SLC25A51: variants seen among roughly 807,000 people sequenced by gnomAD.
The protein encoded by SLC25A51 is solute carrier family 25 member 51, also known as mitochondrial nicotinamide adenine dinucleotide transporter SLC25A51.
A neutral mutation model predicts 19.1 loss-of-function variants in SLC25A51; 11 were observed. The ratio of observed to expected loss-of-function variants is 0.58; its 90% CI spans 0.36 to 0.96. SLC25A51 has a LOEUF of 0.96. SLC25A51 is among the 40% of genes least tolerant of loss of function. SLC25A51 has a pLI of 0.01. For missense variants in SLC25A51, 201 were observed against 365.4 expected, an observed-to-expected ratio of 0.55 and a Z score of 3.67; for synonymous variants, 105 against 133.6, an observed-to-expected ratio of 0.79 and a Z score of 1.47.
At chr9:37,902,965 C>G (rs1375989952) in intron 1 of SLC25A51, among the ~76,000 whole-genome samples, 2 of 152,200 alleles carry the variant, frequency 1.3e-5, no homozygotes, top group Non-Finnish European at 2.9e-5. Context: ...ACAAGATCAG[C>G]CTGGGTCTAG....
chr9:37,889,267 T>C (rs1436613995), intron 2 of SLC25A51, among the ~76,000 whole-genome samples: 3 of 152,186 alleles, frequency 2.0e-5, no homozygotes, highest in Admixed American at 6.5e-5. Flanking sequence ...ACTCATTCTA[T>C]TCATATTTAT....
chr9:37,898,924 T>A (rs1176135418), intron 2 of SLC25A51, among the ~76,000 whole-genome samples: 1 of 152,182 alleles, frequency 6.6e-6, no homozygotes, highest in Non-Finnish European at 1.5e-5. Flanking sequence ...GCTCCTGAGA[T>A]GATCATACAA....
intron 1 of SLC25A51, among the ~76,000 whole-genome samples, chr9:37,903,053 T>C (rs1831889549): frequency 6.6e-6 from 1 of 152,220 alleles, no homozygotes; most frequent in African/African-American, 2.4e-5. Flanking sequence ...TGAGTTTGCT[T>C]TCATTTACCA....
chr9:37,899,273 A>C (rs1363582909), intron 2 of SLC25A51, among the ~76,000 whole-genome samples: 2 of 152,222 alleles, frequency 1.3e-5, no homozygotes, highest in Admixed American at 6.5e-5. Flanking sequence ...CAATATGTGG[A>C]TAAATGCTAC....
chr9:37,903,359 A>G (rs1409186779), intron 1 of SLC25A51, among the ~76,000 whole-genome samples: 2 of 152,224 alleles, frequency 1.3e-5, no homozygotes, highest in Non-Finnish European at 2.9e-5. Flanking sequence ...TTTTGCAGGA[A>G]GTTGAGGTGC....
intron 2 of SLC25A51, among the ~76,000 whole-genome samples, chr9:37,896,242 G>A (rs1219653427): frequency 4.6e-5 from 7 of 151,998 alleles, no homozygotes; most frequent in Non-Finnish European, 7.4e-5. Flanking sequence ...AAATACCCAC[G>A]GGCGTTTGCG....
At chr9:37,886,207 C>G, downstream of SLC25A51, 2 of 1,564,952 alleles carry the variant, frequency 1.3e-6, no homozygotes, top group Non-Finnish European at 1.8e-6. Context: ...CACAGACTGA[C>G]AAGAAAGGAC....
At chr9:37,892,295 C>G (rs190815220) in intron 2 of SLC25A51, among the ~76,000 whole-genome samples, 1 of 152,332 alleles carries the variant, frequency 6.6e-6, no homozygotes, top group East Asian at 1.9e-4. Context: ...GCTCTGAAAG[C>G]TGAATAACTG....
chr9:37,896,538 G>A (rs1350135304), intron 2 of SLC25A51, among the ~76,000 whole-genome samples: 2 of 152,220 alleles, frequency 1.3e-5, no homozygotes, highest in African/African-American at 4.8e-5. Context: ...GCTCACGCCG[G>A]TAGTCCCAGT....
At chr9:37,901,013 G>A (rs972236223) in intron 1 of SLC25A51, among the ~76,000 whole-genome samples, 13 of 151,824 alleles carry the variant, frequency 8.6e-5, no homozygotes, top group Non-Finnish European at 1.5e-4. Context: ...CCACAGGCCC[G>A]CACCACCAAG....
intron 1 of SLC25A51, among the ~76,000 whole-genome samples, chr9:37,902,379 C>T (rs1384032015): frequency 6.6e-6 from 1 of 152,150 alleles, no homozygotes; most frequent in African/African-American, 2.4e-5. Flanking sequence ...CATTACTGTA[C>T]ATTGAGATTC....
chr9:37,887,978 G>T lies in SLC25A51; in HGVS notation c.573C>A (p.Phe191Leu). The T allele has an allele frequency of 6.2e-7, 1 of 1,612,034 alleles. No individual in the cohort carries two copies. Among genetic ancestry groups the T allele is most frequent in the Non-Finnish European group, 8.5e-7 (1 of 1,179,848 alleles). Residue 191 changes from phenylalanine (F) to leucine (L), a missense_variant, in exon 3 of 3, where the codon TTC (phenylalanine) becomes TTA (leucine). Phe to Leu is a conservative substitution (Grantham distance 22). Transcript: ENST00000242275. ...FRNGLSNVLFFGLRGPIKEHL... is the reference protein window; with the variant it reads ...FRNGLSNVLFLGLRGPIKEHL... ...GCTCCTTAATGGGACCTCGAAGGCC[G>T]AAAAACAAGACATTGCTGAGTCCAT...
chr9:37,896,233 A>C (rs1282945688), intron 2 of SLC25A51, among the ~76,000 whole-genome samples: 2 of 152,144 alleles, frequency 1.3e-5, no homozygotes, highest in Non-Finnish European at 2.9e-5. Context: ...GCATAATCTA[A>C]ATACCCACGG....
chr9:37,895,092 T>C (rs972030941), intron 2 of SLC25A51, among the ~76,000 whole-genome samples: 1 of 152,236 alleles, frequency 6.6e-6, no homozygotes, highest in Middle Eastern at 3.2e-3. Context: ...GCTGTGCATG[T>C]GTCCTTATAG....
chr9:37,884,015 T>C (rs2118296052), downstream of SLC25A51, among the ~76,000 whole-genome samples: 1 of 152,348 alleles, frequency 6.6e-6, no homozygotes, highest in Non-Finnish European at 1.5e-5. Context: ...GTCCAAGAAC[T>C]TTCAGTAAAC....
chr9:37,889,609 C>A (rs1372042627), intron 2 of SLC25A51, among the ~76,000 whole-genome samples: 1 of 151,558 alleles, frequency 6.6e-6, no homozygotes, highest in African/African-American at 2.4e-5. Context: ...GTTCAGGGCA[C>A]AGCTAGTAAC....
downstream of SLC25A51, chr9:37,879,253 A>G: frequency 3.7e-6 from 1 of 270,206 alleles, no homozygotes; most frequent in East Asian, 1.2e-4. Flanking sequence ...GATGTTTGGG[A>G]ACACTACACA....
intron 2 of SLC25A51, among the ~76,000 whole-genome samples, chr9:37,898,060 A>G (rs1026975025): frequency 1.3e-5 from 2 of 152,210 alleles, no homozygotes; most frequent in African/African-American, 4.8e-5. Context: ...TGGAGCTGCA[A>G]TTATAACTTA....
intron 2 of SLC25A51, among the ~76,000 whole-genome samples, chr9:37,891,297 G>A (rs1831578433): frequency 1.3e-5 from 2 of 152,178 alleles, no homozygotes. Flanking sequence ...CCTCTGCCCG[G>A]CAGCCCCTTC....
Sources: allele counts gnomAD v4.1 joint callset (sites outside exome capture counted in the v4.1 genomes callset), GRCh38; gene constraint gnomAD v4.1.1; transcripts MANE v1.5; gene names NCBI Gene and HGNC (gene_info 2026-07-23, HGNC 2026-07-21).